ADGRB3: variants seen among roughly 807,000 people sequenced by gnomAD.
ADGRB3 encodes brain-specific angiogenesis inhibitor 3.
Under a neutral mutation model 193.4 loss-of-function variants are expected in ADGRB3, and 37 were observed. The ratio of observed to expected loss-of-function variants is 0.19; its 90% CI spans 0.15 to 0.25. ADGRB3 has a LOEUF of 0.25. Among genes scored for constraint, ADGRB3 ranks in the 10% least tolerant of loss-of-function variants. The pLI, the probability that ADGRB3 is intolerant of heterozygous loss-of-function variation, is 1.00. For synonymous variants in ADGRB3, 690 were observed against 644.2 expected (o/e 1.07, Z -1.08); for missense variants, 1,637 against 1,852.9 (o/e 0.88, Z 2.14).
At chr6:68,674,227 T>C (rs1214853911) in intron 3 of ADGRB3, among the ~76,000 whole-genome samples, 1 of 152,220 alleles carries the variant, frequency 6.6e-6, no homozygotes, top group Non-Finnish European at 1.5e-5. Flanking sequence ...CTTTCTTTGA[T>C]TGATTTTTGT....
intron 26 of ADGRB3, among the ~76,000 whole-genome samples, chr6:69,342,718 A>G (rs1769001415): frequency 6.6e-6 from 1 of 152,162 alleles, no homozygotes; most frequent in Non-Finnish European, 1.5e-5. Context: ...ATAGATAGCT[A>G]TATGTAAAAC....
intron 3 of ADGRB3, among the ~76,000 whole-genome samples, chr6:68,797,084 G>A (rs1474639426): frequency 6.6e-6 from 1 of 152,184 alleles, no homozygotes; most frequent in Non-Finnish European, 1.5e-5. Context: ...AGTAAGCCAT[G>A]ACACGGAACT....
At chr6:69,358,679 A>T (rs1769382439) in intron 28 of ADGRB3, among the ~76,000 whole-genome samples, 1 of 151,754 alleles carries the variant, frequency 6.6e-6, no homozygotes, top group Admixed American at 6.6e-5. Flanking sequence ...TTTCCATCTG[A>T]TCATGCCAAA....
chr6:68,881,693 T>C (rs12524100), intron 3 of ADGRB3, among the ~76,000 whole-genome samples: 14,225 of 152,198 alleles, frequency 0.093, 882 homozygotes, highest in Non-Finnish European at 0.13. Context: ...GAAATTACAG[T>C]TCACTGTGGA....
chr6:68,905,478 A>G (rs1766517744), intron 3 of ADGRB3, among the ~76,000 whole-genome samples: 1 of 152,218 alleles, frequency 6.6e-6, no homozygotes, highest in Non-Finnish European at 1.5e-5. Flanking sequence ...TTATAAAGTT[A>G]CTTGCAAATA....
intron 11 of ADGRB3, among the ~76,000 whole-genome samples, chr6:69,000,160 T>C (rs539666821): frequency 2.0e-5 from 3 of 152,290 alleles, no homozygotes; most frequent in Admixed American, 6.5e-5. Flanking sequence ...TGTTACTTAA[T>C]CTTTGTCTAC....
At chr6:68,727,142 G>A (rs1204287131) in intron 3 of ADGRB3, among the ~76,000 whole-genome samples, 1 of 151,578 alleles carries the variant, frequency 6.6e-6, no homozygotes, top group Non-Finnish European at 1.5e-5. Flanking sequence ...GTCATTCAAT[G>A]ATGCTACAAC....
At chr6:69,125,276 T>C (rs1773823480) in intron 17 of ADGRB3, among the ~76,000 whole-genome samples, 1 of 152,150 alleles carries the variant, frequency 6.6e-6, no homozygotes, top group African/African-American at 2.4e-5. Flanking sequence ...CAAGGAGCCC[T>C]CCCCAGACAG....
chr6:69,256,804 A>C (rs1339011146), intron 20 of ADGRB3, among the ~76,000 whole-genome samples: 2 of 152,182 alleles, frequency 1.3e-5, no homozygotes, highest in Non-Finnish European at 2.9e-5. Flanking sequence ...GAATGCTTCC[A>C]GTTTTTGCCC....
At chr6:69,127,052 G>A (rs1773871985) in intron 17 of ADGRB3, among the ~76,000 whole-genome samples, 1 of 152,166 alleles carries the variant, frequency 6.6e-6, no homozygotes, top group Non-Finnish European at 1.5e-5. Context: ...TGAGAATAGT[G>A]TGTGGGAAGC....
chr6:68,758,209 T>C (rs1766333121), intron 3 of ADGRB3, among the ~76,000 whole-genome samples: 1 of 152,108 alleles, frequency 6.6e-6, no homozygotes, highest in Non-Finnish European at 1.5e-5. Flanking sequence ...TAACACATTT[T>C]TGGTACATAT....
At chr6:69,233,222 T>G (rs1766189043) in intron 17 of ADGRB3, 68 bp from the exon 18 acceptor site, 1 of 1,575,900 alleles carries the variant, frequency 6.3e-7, no homozygotes, top group Non-Finnish European at 8.6e-7. Flanking sequence ...AACTGCATTT[T>G]CTTCTTTACG....
Position 69,011,167 on chromosome 6 carries a change from G to GTGTGTGTGTA in ADGRB3, c.1930-2870_1930-2869insGTGTGTGTAT, listed in dbSNP as rs531482642. 1.1e-3 allele frequency among the ~76,000 whole-genome samples: 162 copies of GTGTGTGTGTA among 143,152 alleles called. 1 individual carries two copies. Among genetic ancestry groups the GTGTGTGTGTA allele is most frequent in the African/African-American group, 3.0e-3 (116 of 38,944 alleles). 93.9% of individuals were successfully genotyped at this position (143,152 alleles called of 152,430 possible). A position where few individuals can be genotyped will look rare whatever the true frequency, so the allele number is the denominator to read the frequency against. ...TGTGTGTGTGTGTGTGTGTGTGTGT[G>GTGTGTGTGTA]TATATATATATTCTATATGTGTGAG... On this transcript the variant is annotated intron_variant, in intron 11 of 31. Coordinates refer to ENST00000370598, the MANE Select transcript of ADGRB3 (RefSeq NM_001704.3).
chr6:69,359,641 A>G (rs1769410078), intron 28 of ADGRB3, among the ~76,000 whole-genome samples: 1 of 151,852 alleles, frequency 6.6e-6, no homozygotes, highest in Admixed American at 6.6e-5. Flanking sequence ...ATGAATAATA[A>G]TTATGATTCT....
At chr6:68,924,976 A>T (rs889536890) in intron 3 of ADGRB3, among the ~76,000 whole-genome samples, 9 of 151,700 alleles carry the variant, frequency 5.9e-5, no homozygotes, top group African/African-American at 2.2e-4. Context: ...TCCCTCATCT[A>T]TTGTGTTTTT....
intron 3 of ADGRB3, among the ~76,000 whole-genome samples, chr6:68,843,984 A>T (rs1190637551): frequency 6.6e-6 from 1 of 152,182 alleles, no homozygotes; most frequent in African/African-American, 2.4e-5. Context: ...GAAGAATAAA[A>T]CTAGATTCCT....
chr6:68,800,172 A>G (rs918378752), intron 3 of ADGRB3, among the ~76,000 whole-genome samples: 4 of 152,162 alleles, frequency 2.6e-5, no homozygotes, highest in Non-Finnish European at 4.4e-5. Context: ...AATTCAGTAT[A>G]TATCTCACTA....
intron 16 of ADGRB3, among the ~76,000 whole-genome samples, chr6:69,071,766 CT>C (rs1046450413): frequency 6.6e-6 from 1 of 152,086 alleles, no homozygotes; most frequent in African/African-American, 2.4e-5. Context: ...ACCCATCTGT[CT>C]TGTTTACCTG....
intron 19 of ADGRB3, among the ~76,000 whole-genome samples, chr6:69,235,908 T>A (rs928785901): frequency 1.4e-4 from 21 of 151,960 alleles, no homozygotes. Flanking sequence ...AGTGGATTTT[T>A]AAATTTTTAA....
Sources: gnomAD v4.1 joint callset for allele counts (sites outside exome capture counted in the v4.1 genomes callset) on GRCh38, gnomAD v4.1.1 for gene constraint, MANE v1.5 for transcripts, NCBI Gene and HGNC (gene_info 2026-07-23, HGNC 2026-07-21) for gene names.